Variants in UNC5D observed in about 807,000 individuals in gnomAD.
UNC5D encodes unc-5 netrin receptor D.
In UNC5D, 39 loss-of-function variants were observed where a neutral mutation model predicts 105.4. That is an observed-to-expected ratio of 0.37 (90% CI 0.29 to 0.48). The LOEUF is 0.48. Ranked by LOEUF, UNC5D falls within the 20% of genes least tolerant of loss-of-function variation. The probability of loss-of-function intolerance (pLI) is 0.98; values close to 1 mark genes in which losing one functional copy is unlikely to be tolerated. For missense variants in UNC5D, 991 were observed against 1,202.4 expected, an observed-to-expected ratio of 0.82 and a Z score of 2.60; for synonymous variants, 452 against 450.4, an observed-to-expected ratio of 1.00 and a Z score of -0.04.
chr8:35,412,467 C>CA (rs201996053), intron 1 of UNC5D, among the ~76,000 whole-genome samples: 4,028 of 135,206 alleles, frequency 0.03, 142 homozygotes, highest in East Asian at 0.18. Context: ...TATGTTATGA[C>CA]AAAAAAAAAA....
intron 1 of UNC5D, among the ~76,000 whole-genome samples, chr8:35,450,056 G>T (rs1036037954): frequency 2.7e-4 from 41 of 152,196 alleles, no homozygotes; most frequent in African/African-American, 9.9e-4. Flanking sequence ...GTATTATTCT[G>T]GAACTATTCA....
chr8:35,487,699 C>T (rs1004874115), intron 1 of UNC5D, among the ~76,000 whole-genome samples: 1 of 151,926 alleles, frequency 6.6e-6, no homozygotes, highest in Admixed American at 6.6e-5. Flanking sequence ...TGCGGAGTGG[C>T]TTTGGAACTG....
At chr8:35,426,699 C>T (rs1806270582) in intron 1 of UNC5D, among the ~76,000 whole-genome samples, 2 of 152,240 alleles carry the variant, frequency 1.3e-5, no homozygotes, top group East Asian at 3.9e-4. Flanking sequence ...TTTTTAACTT[C>T]AGAGTTTTGT....
chr8:35,562,767 T>A (rs2130760525), intron 2 of UNC5D, among the ~76,000 whole-genome samples: 1 of 152,232 alleles, frequency 6.6e-6, no homozygotes, highest in South Asian at 2.1e-4. Flanking sequence ...CAGTGGGTTG[T>A]CTTTTAGTTA....
At chr8:35,359,192 A>T (rs531898049) in intron 1 of UNC5D, among the ~76,000 whole-genome samples, 28 of 152,322 alleles carry the variant, frequency 1.8e-4, no homozygotes, top group Admixed American at 1.2e-3. Flanking sequence ...TTCAAGAAAA[A>T]GGTAGTATAT....
intron 1 of UNC5D, among the ~76,000 whole-genome samples, chr8:35,268,072 TG>T (rs1190738338): frequency 7.9e-5 from 12 of 152,230 alleles, no homozygotes. Context: ...ATGATTTTTT[TG>T]TTCCAAATAC....
At chr8:35,611,556 G>A (rs1360589272) in intron 4 of UNC5D, among the ~76,000 whole-genome samples, 1 of 152,192 alleles carries the variant, frequency 6.6e-6, no homozygotes, top group African/African-American at 2.4e-5. Flanking sequence ...TAGGTCGCAT[G>A]AATTTTTTAC....
Position 35,750,753 on chromosome 8 carries a change from T to C in UNC5D, c.2107T>C (p.Ser703Pro), listed in dbSNP as rs373293699. 5.6e-6 allele frequency: 9 copies of C among 1,614,034 alleles called. No individual in the cohort carries two copies. In the African/African-American group the frequency reaches 1.2e-4, roughly 22 times the overall value. Residue 703 changes from serine (S) to proline (P), a missense_variant, in exon 13 of 17, where the codon TCC (serine) becomes CCC (proline). By Grantham distance (74) the Ser-to-Pro change is moderately conservative. Around this residue, in one of 3 missense-constraint regions of UNC5D, gnomAD observed 944 missense variants for 1,131.6 expected, o/e 0.83. Coordinates refer to ENST00000404895, the MANE Select transcript of UNC5D (RefSeq NM_080872.4). ...GGTTTTTGGCTGCATGTCCTGTAAC[T>C]CCCTGGATTACAACTTGAGAGTTTA... is the stretch of plus-strand genomic sequence containing the variant. ...VAVFGCMSCN[S>P]LDYNLRVYCV... is the part of the protein sequence containing the mutation.
intron 1 of UNC5D, among the ~76,000 whole-genome samples, chr8:35,549,077 A>G (rs1243357852): frequency 1.3e-5 from 2 of 152,214 alleles, no homozygotes; most frequent in Non-Finnish European, 2.9e-5. Flanking sequence ...GTTTCATCCA[A>G]TAACACTGAA....
intron 1 of UNC5D, among the ~76,000 whole-genome samples, chr8:35,420,906 G>A (rs1391836720): frequency 6.6e-6 from 1 of 152,136 alleles, no homozygotes; most frequent in African/African-American, 2.4e-5. Flanking sequence ...GGTCAGAAAT[G>A]ATGTGTGATG....
At chr8:35,724,003 G>T (rs913978671) in intron 9 of UNC5D, 2 of 568,258 alleles carry the variant, frequency 3.5e-6, no homozygotes, top group Admixed American at 4.5e-5. Context: ...TTGGCATATG[G>T]AAAGCGCTCA....
At chr8:35,322,364 T>A (rs567355823) in intron 1 of UNC5D, among the ~76,000 whole-genome samples, 1 of 152,206 alleles carries the variant, frequency 6.6e-6, no homozygotes, top group Non-Finnish European at 1.5e-5. Flanking sequence ...GGTTCCCTTT[T>A]GAAAGTAGTG....
intron 4 of UNC5D, among the ~76,000 whole-genome samples, chr8:35,622,972 C>T (rs1156880792): frequency 6.6e-6 from 1 of 152,136 alleles, no homozygotes; most frequent in Non-Finnish European, 1.5e-5. Context: ...AGTGACAAAG[C>T]CATTTACTTT....
chr8:35,590,784 C>G (rs1207278051), intron 3 of UNC5D, among the ~76,000 whole-genome samples: 1 of 152,048 alleles, frequency 6.6e-6, no homozygotes, highest in Non-Finnish European at 1.5e-5. Context: ...AGTCAAGGTA[C>G]GAGTAAGTGG....
chr8:35,440,332 G>C (rs1465433005), intron 1 of UNC5D, among the ~76,000 whole-genome samples: 2 of 151,970 alleles, frequency 1.3e-5, no homozygotes, highest in Admixed American at 1.3e-4. Flanking sequence ...GTTAGCGAGT[G>C]CATTCTTCCA....
chr8:35,655,088 T>C (rs1823648057), intron 4 of UNC5D, among the ~76,000 whole-genome samples: 1 of 152,214 alleles, frequency 6.6e-6, no homozygotes, highest in South Asian at 2.1e-4. Flanking sequence ...TTCTCTAATA[T>C]GAAAAATAGT....
intron 10 of UNC5D, 60 bp downstream of exon 10, chr8:35,726,589 G>C: frequency 4.5e-6 from 7 of 1,570,576 alleles, no homozygotes; most frequent in East Asian, 2.2e-5. Flanking sequence ...TTTTTACACA[G>C]TTACTTCCCA....
At chr8:35,485,860 G>A (rs533087689) in intron 1 of UNC5D, among the ~76,000 whole-genome samples, 13 of 152,280 alleles carry the variant, frequency 8.5e-5, no homozygotes, top group African/African-American at 2.4e-4. Context: ...GGAGATGATC[G>A]AAGAATGTTT....
chr8:35,635,498 G>A (rs567847557), intron 4 of UNC5D, among the ~76,000 whole-genome samples: 8 of 152,122 alleles, frequency 5.3e-5, no homozygotes, highest in Non-Finnish European at 1.0e-4. Context: ...AAGAAGTTGA[G>A]CAGAAGTTAT....
Sources: gnomAD v4.1 joint callset for allele counts (sites outside exome capture counted in the v4.1 genomes callset) on GRCh38, gnomAD v4.1.1 for gene constraint, gnomAD v4.1.1 regional missense constraint, MANE v1.5 for transcripts, NCBI Gene and HGNC (gene_info 2026-07-23, HGNC 2026-07-21) for gene names.